Variants in PTPRD observed in about 807,000 individuals in gnomAD.
PTPRD encodes the protein receptor-type tyrosine-protein phosphatase delta.
PTPRD carries 34 observed loss-of-function variants against 214.5 expected under a neutral mutation model. The ratio of observed to expected loss-of-function variants is 0.16; its 90% CI spans 0.12 to 0.21. The LOEUF is 0.21. Ranked by LOEUF, PTPRD falls within the 10% of genes least tolerant of loss-of-function variation. The pLI, the probability that PTPRD is intolerant of heterozygous loss-of-function variation, is 1.00. For synonymous variants in PTPRD, 1,128 were observed against 845.7 expected (o/e 1.33, Z -5.79); for missense variants, 2,545 against 2,398.7 (o/e 1.06, Z -1.27).
intron 11 of PTPRD, among the ~76,000 whole-genome samples, chr9:8,818,931 G>C (rs1269644533): frequency 6.6e-6 from 1 of 152,154 alleles, no homozygotes; most frequent in African/African-American, 2.4e-5. Flanking sequence ...TGGAAGAATA[G>C]AGAATCTGGT....
chr9:9,551,039 A>G (rs1377153110), intron 8 of PTPRD, among the ~76,000 whole-genome samples: 1 of 151,960 alleles, frequency 6.6e-6, no homozygotes, highest in Non-Finnish European at 1.5e-5. Flanking sequence ...AAAATTTATC[A>G]TGCAAATTTA....
intron 5 of PTPRD, among the ~76,000 whole-genome samples, chr9:9,818,543 A>G (rs953320669): frequency 1.3e-5 from 2 of 152,168 alleles, no homozygotes; most frequent in African/African-American, 4.8e-5. Context: ...AGAGAGAGAT[A>G]GAAAGAGGCA....
chr9:9,749,354 G>A (rs12238315), intron 6 of PTPRD, among the ~76,000 whole-genome samples: 1 of 152,096 alleles, frequency 6.6e-6, no homozygotes, highest in Admixed American at 6.6e-5. Context: ...TTATAACCAC[G>A]TTTTCCAATC....
chr9:10,606,576 T>C (rs2079448013), intron 2 of PTPRD, among the ~76,000 whole-genome samples: 1 of 151,408 alleles, frequency 6.6e-6, no homozygotes, highest in South Asian at 2.1e-4. Context: ...TAACCTTTCC[T>C]GGAACTTGAG....
chr9:10,103,885 G>T (rs2098596851), intron 3 of PTPRD, among the ~76,000 whole-genome samples: 1 of 151,608 alleles, frequency 6.6e-6, no homozygotes, highest in Non-Finnish European at 1.5e-5. Context: ...CTTCACAATA[G>T]CCAAGAAGTG....
intron 3 of PTPRD, among the ~76,000 whole-genome samples, chr9:10,041,866 G>C (rs979097293): frequency 2.6e-5 from 4 of 152,006 alleles, no homozygotes; most frequent in African/African-American, 7.2e-5. Context: ...TGCCTTCCCT[G>C]TGAATCCTAA....
intron 9 of PTPRD, among the ~76,000 whole-genome samples, chr9:9,239,443 A>G (rs755672684): frequency 6.6e-6 from 1 of 152,162 alleles, no homozygotes; most frequent in Admixed American, 6.6e-5. Context: ...TCATAAAATG[A>G]TAAATCGAAC....
chr9:9,796,504 C>T (rs2099003445), intron 5 of PTPRD, among the ~76,000 whole-genome samples: 1 of 152,124 alleles, frequency 6.6e-6, no homozygotes, highest in Non-Finnish European at 1.5e-5. Flanking sequence ...CATTTGCTGA[C>T]AGCTAAAGCT....
intron 8 of PTPRD, among the ~76,000 whole-genome samples, chr9:9,568,883 G>A (rs2085439263): frequency 6.6e-6 from 1 of 151,758 alleles, no homozygotes; most frequent in African/African-American, 2.4e-5. Flanking sequence ...ATGGGTCCCT[G>A]TTAGCTGACT....
intron 5 of PTPRD, among the ~76,000 whole-genome samples, chr9:9,819,659 C>G (rs531585812): frequency 6.6e-6 from 1 of 151,786 alleles, no homozygotes; most frequent in Admixed American, 6.6e-5. Flanking sequence ...CCCTTGTCCC[C>G]CTCCCTCTTT....
chr9:9,766,766 T>A (rs922577008), intron 6 of PTPRD, 44 bp downstream of exon 6: 6 of 152,526 alleles, frequency 3.9e-5, no homozygotes, highest in African/African-American at 1.4e-4. Context: ...ATTTTTATAC[T>A]TCATTTATGG....
chr9:9,281,674 A>G (rs1158098018), intron 9 of PTPRD, among the ~76,000 whole-genome samples: 1 of 151,350 alleles, frequency 6.6e-6, no homozygotes, highest in Non-Finnish European at 1.5e-5. Context: ...ACAGCCACTT[A>G]GAAAAACAGT....
intron 14 of PTPRD, among the ~76,000 whole-genome samples, chr9:8,538,971 C>G (rs547084892): frequency 1.5e-3 from 234 of 151,820 alleles, no homozygotes; most frequent in African/African-American, 5.4e-3. Context: ...GGAATGAGAA[C>G]AAGCAAAGAA....
In PTPRD at chr9:8,359,069, C is replaced by G. The variant is rs1362532567; in HGVS notation, c.4661+16867G>C. Among the ~76,000 whole-genome samples, 4 of 110,804 alleles carry G rather than the reference C, an allele frequency of 3.6e-5. No homozygotes were observed. In the South Asian group the frequency reaches 1.1e-3, roughly 30 times the overall value. 72.7% of individuals were successfully genotyped at this position (110,804 alleles called of 152,430 possible). A position where few individuals can be genotyped will look rare whatever the true frequency, so the allele number is the denominator to read the frequency against. ...CTTGCAGTGAGCCGAGATTGCACCA[C>G]TGCACTCCCACCTGGGCCACAGAGC... On this transcript the variant is annotated intron_variant, in intron 39 of 45. Coordinates refer to ENST00000381196, the MANE Select transcript of PTPRD (RefSeq NM_002839.4).
intron 11 of PTPRD, among the ~76,000 whole-genome samples, chr9:8,828,515 T>C (rs2097218165): frequency 6.6e-6 from 1 of 152,152 alleles, no homozygotes; most frequent in Non-Finnish European, 1.5e-5. Context: ...AAATAATGTT[T>C]GTTGTTTAAG....
intron 2 of PTPRD, among the ~76,000 whole-genome samples, chr9:10,434,733 C>A (rs963413944): frequency 1.3e-5 from 2 of 151,850 alleles, no homozygotes; most frequent in African/African-American, 2.4e-5. Context: ...GGAGAAGATT[C>A]TTTTCTCTGC....
chr9:9,763,139 C>T (rs1379556517), intron 6 of PTPRD, among the ~76,000 whole-genome samples: 1 of 152,164 alleles, frequency 6.6e-6, no homozygotes, highest in Non-Finnish European at 1.5e-5. Flanking sequence ...CTCTTCAAAA[C>T]CCTGTCTTTA....
intron 9 of PTPRD, among the ~76,000 whole-genome samples, chr9:9,396,315 G>T (rs1185363638): frequency 6.6e-6 from 1 of 151,980 alleles, no homozygotes; most frequent in African/African-American, 2.4e-5. Flanking sequence ...TAAACCAGCA[G>T]CTTTGTACCA....
chr9:8,651,383 G>A (rs548191428), intron 12 of PTPRD, among the ~76,000 whole-genome samples: 1 of 152,100 alleles, frequency 6.6e-6, no homozygotes, highest in Non-Finnish European at 1.5e-5. Context: ...GATAACCCAA[G>A]GCCATGAACT....
Sources: allele counts gnomAD v4.1 joint callset (sites outside exome capture counted in the v4.1 genomes callset), GRCh38; gene constraint gnomAD v4.1.1; transcripts MANE v1.5; gene names NCBI Gene and HGNC (gene_info 2026-07-23, HGNC 2026-07-21).